The following MAP2K1 variants were observed in gnomAD, a reference collection of about 807,000 sequenced individuals.
The protein encoded by MAP2K1 is dual specificity mitogen-activated protein kinase kinase 1.
In MAP2K1, 16 loss-of-function variants were observed where a neutral mutation model predicts 46.3. The ratio of observed to expected loss-of-function variants is 0.35; its 90% CI spans 0.23 to 0.52. MAP2K1 has a LOEUF of 0.52. Ranked by LOEUF, MAP2K1 falls within the 20% of genes least tolerant of loss-of-function variation. The pLI, the probability that MAP2K1 is intolerant of heterozygous loss-of-function variation, is 0.94. For synonymous variants in MAP2K1, 183 were observed against 185.6 expected, an observed-to-expected ratio of 0.99 and a Z score of 0.11; for missense variants, 263 against 497.1, an observed-to-expected ratio of 0.53 and a Z score of 4.48.
chr15:66,452,287 T>TAA (rs146502834), intron 5 of MAP2K1, among the ~76,000 whole-genome samples: 33,212 of 103,380 alleles, frequency 0.32, 5,143 homozygotes, highest in East Asian at 0.43. Flanking sequence ...TAGAGTATAA[T>TAA]AAAAAAAAAA....
In MAP2K1 at chr15:66,429,664, GCCCCCCCC is replaced by G. The variant is rs1228112911; in HGVS notation, c.81-5356_81-5349del. Among the ~76,000 whole-genome samples, 2 of 50,276 alleles carry G rather than the reference GCCCCCCCC, an allele frequency of 4.0e-5. 1 individual carries two copies. The highest frequency in any genetic ancestry group is 8.0e-5 in the Non-Finnish European group (2 of 25,038). 33.0% of individuals were successfully genotyped at this position (50,276 alleles called of 152,430 possible). On this transcript the variant is annotated intron_variant, in intron 1 of 10. Transcript: ENST00000307102. ...CTTGCCACTGGGTCTGCACTGCGGC[GCCCCCCCC>G]CCCCCCGTCCCCCCCAACACAGATG...
At chr15:66,418,572 C>A (rs1394613149) in intron 1 of MAP2K1, among the ~76,000 whole-genome samples, 1 of 152,166 alleles carries the variant, frequency 6.6e-6, no homozygotes, top group Non-Finnish European at 1.5e-5. Context: ...TTTCTAAGGC[C>A]ATAGCCAGCT....
chr15:66,481,767 C>T lies in MAP2K1; in HGVS notation c.581C>T (p.Ser194Phe), dbSNP rs1892920202. ...CTCTTCCCTGCAGATGTCAAGCCCT[C>T]CAACATCCTAGTCAACTCCCGTGGG... The part of the protein sequence containing the change: ...HKIMHRDVKP[S>F]NILVNSRGEI... The change falls in exon 6 of 11, where the codon TCC becomes TTC. Residue 194 changes from serine (S) to phenylalanine (F), a missense_variant. This residue lies in a region of MAP2K1 where 103 missense variants were observed against 221.6 expected (regional missense o/e 0.46). Transcript: ENST00000307102. 6.2e-7 allele frequency: 1 copy of T among 1,612,814 alleles called. No individual in the cohort carries two copies. The highest frequency in any genetic ancestry group is 1.3e-5 in the African/African-American group (1 of 74,888).
intron 1 of MAP2K1, among the ~76,000 whole-genome samples, chr15:66,400,441 A>G (rs78150698): frequency 0.012 from 1,893 of 152,288 alleles, 33 homozygotes; most frequent in African/African-American, 0.042. Flanking sequence ...TTTCTGACAC[A>G]TTGAGAAAGC....
chr15:66,455,727 C>G (rs1319531493), intron 5 of MAP2K1, among the ~76,000 whole-genome samples: 1 of 152,212 alleles, frequency 6.6e-6, no homozygotes, highest in Non-Finnish European at 1.5e-5. Context: ...CATGTTCTCA[C>G]CCTCATTCCT....
intron 5 of MAP2K1, among the ~76,000 whole-genome samples, chr15:66,464,779 C>T (rs575633231): frequency 5.3e-5 from 8 of 151,798 alleles, no homozygotes; most frequent in Admixed American, 1.3e-4. Context: ...CCACCTGCCT[C>T]GGCCTCCCAA....
At chr15:66,399,113 T>C (rs779284339) in intron 1 of MAP2K1, among the ~76,000 whole-genome samples, 1 of 152,174 alleles carries the variant, frequency 6.6e-6, no homozygotes, top group African/African-American at 2.4e-5. Flanking sequence ...ACAGATATTA[T>C]ATAGGAGAAT....
chr15:66,400,580 C>G (rs2093379057), intron 1 of MAP2K1, among the ~76,000 whole-genome samples: 1 of 152,170 alleles, frequency 6.6e-6, no homozygotes, highest in Non-Finnish European at 1.5e-5. Context: ...TGGTCTCTTG[C>G]TGCAACTTGA....
chr15:66,418,945 CTT>C (rs753511565), intron 1 of MAP2K1, among the ~76,000 whole-genome samples: 4,354 of 88,888 alleles, frequency 0.049, 85 homozygotes, highest in Middle Eastern at 0.1. Context: ...TGTGCCCGGC[CTT>C]TTTTTTTTTT....
intron 5 of MAP2K1, chr15:66,446,649 C>G: frequency 2.5e-6 from 1 of 393,234 alleles, no homozygotes; most frequent in Non-Finnish European, 5.5e-6. Context: ...AAGCACATCT[C>G]TTGCCCAAAT....
intron 5 of MAP2K1, among the ~76,000 whole-genome samples, chr15:66,456,370 T>C (rs1195972948): frequency 6.6e-6 from 1 of 152,204 alleles, no homozygotes; most frequent in Non-Finnish European, 1.5e-5. Flanking sequence ...CAGAATTCTT[T>C]GGTGTGGCAG....
Position 66,490,699 on chromosome 15 carries a change from G to C in MAP2K1, c.*84G>C, listed in dbSNP as rs1229160685. ...GGGCCTCCTTCCCATGCCTGTCTCT[G>C]TTCAGATGTGCATTTCACCTGTGAC... On this transcript the variant is annotated 3_prime_UTR_variant, in exon 11 of 11. Transcript: ENST00000307102. The C allele has an allele frequency of 7.6e-6, 7 of 920,220 alleles. No individual in the cohort carries two copies. Among genetic ancestry groups the C allele is most frequent in the South Asian group, 3.9e-5 (3 of 76,710 alleles). 57.0% of individuals were successfully genotyped at this position (920,220 alleles called of 1,614,324 possible).
chr15:66,485,058 A>G lies in MAP2K1; in HGVS notation c.762A>G (p.Val254=), dbSNP rs2140674350. ...SDIWSMGLSL[V]EMAVGRYPIP... is the part of the protein sequence containing the mutation. The stretch of plus-strand genomic sequence containing the variant: ...TCTGGAGCATGGGACTGTCTCTGGT[A>G]GAGATGGCGGTTGGGAGGTATCCCA... The change falls in exon 7 of 11, where the codon GTA becomes GTG. Residue 254 remains valine (V), a synonymous_variant. Coordinates refer to ENST00000307102, the MANE Select transcript of MAP2K1 (RefSeq NM_002755.4). 2.5e-6 allele frequency: 4 copies of G among 1,613,840 alleles called. No homozygotes were observed. Among genetic ancestry groups the G allele is most frequent in the Non-Finnish European group, 3.4e-6 (4 of 1,179,950 alleles).
chr15:66,457,743 C>A (rs1199007537), intron 5 of MAP2K1, among the ~76,000 whole-genome samples: 1 of 152,010 alleles, frequency 6.6e-6, no homozygotes, highest in Admixed American at 6.6e-5. Context: ...GGGTGGATCA[C>A]CTCAGGTCAG....
At chr15:66,483,323 C>A (rs1182713822) in intron 6 of MAP2K1, among the ~76,000 whole-genome samples, 3 of 152,134 alleles carry the variant, frequency 2.0e-5, no homozygotes, top group Non-Finnish European at 4.4e-5. Flanking sequence ...CAGTGACCCA[C>A]AGTGGAACTC....
intron 5 of MAP2K1, among the ~76,000 whole-genome samples, chr15:66,470,152 C>T (rs969570163): frequency 7.7e-6 from 1 of 129,986 alleles, no homozygotes; most frequent in Admixed American, 8.6e-5. Context: ...GCCTCGTTCC[C>T]CATAATTTGG....
chr15:66,463,903 C>T (rs1351675376), intron 5 of MAP2K1, among the ~76,000 whole-genome samples: 2 of 152,220 alleles, frequency 1.3e-5, no homozygotes, highest in African/African-American at 4.8e-5. Flanking sequence ...TTTCAGGTCA[C>T]AGGTAGGTGA....
At chr15:66,426,151 T>A (rs1549855) in intron 1 of MAP2K1, among the ~76,000 whole-genome samples, 30,398 of 151,332 alleles carry the variant, frequency 0.2, 3,232 homozygotes, top group East Asian at 0.38. Context: ...TCTTTTTTTT[T>A]TTTTTTTAAG....
At chr15:66,403,376 T>G (rs1209701749) in intron 1 of MAP2K1, among the ~76,000 whole-genome samples, 1 of 152,060 alleles carries the variant, frequency 6.6e-6, no homozygotes, top group Non-Finnish European at 1.5e-5. Flanking sequence ...AGAAAAGTTG[T>G]GGGGTTGGGG....
Sources: allele counts gnomAD v4.1 joint callset (sites outside exome capture counted in the v4.1 genomes callset), GRCh38; gene constraint gnomAD v4.1.1; regional missense constraint gnomAD v4.1.1; transcripts MANE v1.5; gene names NCBI Gene and HGNC (gene_info 2026-07-23, HGNC 2026-07-21).